Variants in ZNF423 observed in about 807,000 individuals in gnomAD.
ZNF423 encodes Ebf-associated zinc finger protein.
Under a neutral mutation model 95.8 loss-of-function variants are expected in ZNF423, and 12 were observed. The observed-to-expected ratio is 0.13, with a 90% CI of 0.08 to 0.20. The LOEUF (loss-of-function observed/expected upper bound fraction) is 0.20, where lower values mean the gene tolerates loss of function less well. ZNF423 is among the 10% of genes least tolerant of loss of function. The pLI, the probability that ZNF423 is intolerant of heterozygous loss-of-function variation, is 1.00. For synonymous variants in ZNF423, 749 were observed against 711.9 expected (o/e 1.05, Z -0.83); for missense variants, 1,316 against 1,737.1 (o/e 0.76, Z 4.31).
Position 49,679,244 on chromosome 16 carries a change from T to C in ZNF423, c.302-40370A>G, listed in dbSNP as rs1427578341. ...ACCGCTGCAAAGATGCCAGCTGCAG[T>C]TGGGGAGGCATGGCCAGGGCTGCGC... On this transcript the variant is annotated intron_variant, in intron 3 of 7. Coordinates refer to ENST00000563137, the MANE Select transcript of ZNF423 (RefSeq NM_001379286.1). 5.3e-5 allele frequency among the ~76,000 whole-genome samples: 8 copies of C among 152,184 alleles called. No homozygotes were observed. In the East Asian group the frequency reaches 7.7e-4, roughly 15 times the overall value.
Position 49,636,069 on chromosome 16 carries a change from G to C in ZNF423, c.3107C>G (p.Thr1036Arg). Residue 1036 changes from threonine to arginine, a missense_variant, in exon 4 of 8, where the codon ACA (threonine) becomes AGA (arginine). Thr to Arg is a moderately conservative substitution (Grantham distance 71, BLOSUM62 -1). Around this residue, in one of 6 missense-constraint regions of ZNF423, gnomAD observed 620 missense variants for 775.6 expected, o/e 0.80. Transcript: ENST00000563137. The surrounding 1 kb of genome is among the most constrained non-coding windows in gnomAD (Gnocchi z 8.6). ...TGFRCVVCMQTVTSTLELKIH... is the reference protein window; with the variant it reads ...TGFRCVVCMQRVTSTLELKIH... ...CTTGAGCTCAAGCGTGGAAGTGACT[G>C]TCTGCATGCAGACCACACAGCGGAA... is the stretch of plus-strand genomic sequence containing the variant. 2 of 1,614,024 alleles carry C rather than the reference G, an allele frequency of 1.2e-6. No homozygotes were observed. Among genetic ancestry groups the C allele is most frequent in the Non-Finnish European group, 1.7e-6 (2 of 1,180,000 alleles).
Position 49,636,511 on chromosome 16 carries a change from C to A in ZNF423, c.2665G>T (p.Ala889Ser). The A allele has an allele frequency of 6.2e-7, 1 of 1,613,782 alleles. No individual in the cohort carries two copies. Among genetic ancestry groups the A allele is most frequent in the Non-Finnish European group, 8.5e-7 (1 of 1,180,004 alleles). Residue 889 changes from alanine to serine, a missense_variant, in exon 4 of 8, where the codon GCG (alanine) becomes TCG (serine). Transcript: ENST00000563137. This position sits in a 1 kb window ranked among gnomAD's most constrained non-coding sequence, Gnocchi z 8.6. ...TCACAGCCGTACATGGGCTCCGACG[C>A]GTCCACGTCATCCTCGCTGGCCTCA... Reference protein sequence around the residue: ...SHEASEDDVDASEPMYGCDIC... With the variant: ...SHEASEDDVDSSEPMYGCDIC...
intron 7 of ZNF423, among the ~76,000 whole-genome samples, chr16:49,508,248 G>A (rs1052150718): frequency 7.2e-5 from 11 of 152,156 alleles, no homozygotes; most frequent in East Asian, 3.9e-4. Context: ...CCAGCTAGGC[G>A]CATGGCTCAT....
chr16:49,729,220 A>G (rs1384093580), intron 3 of ZNF423, among the ~76,000 whole-genome samples: 1 of 152,250 alleles, frequency 6.6e-6, no homozygotes, highest in South Asian at 2.1e-4. Context: ...AATAAAGAGA[A>G]TAACTTTTCA....
chr16:49,700,787 A>G (rs1246259276), intron 3 of ZNF423, among the ~76,000 whole-genome samples: 3 of 152,146 alleles, frequency 2.0e-5, no homozygotes, highest in Non-Finnish European at 4.4e-5. Flanking sequence ...TGCTGGGCCC[A>G]CGGGACCACA....
intron 5 of ZNF423, among the ~76,000 whole-genome samples, chr16:49,559,177 C>T (rs950775485): frequency 6.6e-6 from 1 of 152,234 alleles, no homozygotes; most frequent in African/African-American, 2.4e-5. Flanking sequence ...ACAGAGAAAG[C>T]GAGTCCCAGA....
Position 49,525,272 on chromosome 16 carries a change from G to A in ZNF423, c.3733+91C>T, listed in dbSNP as rs571315145. 1.2e-5 allele frequency: 18 copies of A among 1,555,094 alleles called. No homozygotes were observed. The South Asian group carries it at 1.6e-4, about 14-fold the overall frequency. ...GTCTATAACAGGCCTGCCAAGGAAA[G>A]AGGAAGAGCACACACTGGGATCCCG... On this transcript the variant is annotated intron_variant, in intron 6 of 7. Transcript: ENST00000563137.
At chr16:49,781,422 T>C (rs1230175046) in intron 2 of ZNF423, among the ~76,000 whole-genome samples, 2 of 152,146 alleles carry the variant, frequency 1.3e-5, no homozygotes, top group African/African-American at 2.4e-5. Flanking sequence ...CAACAGGGAC[T>C]ACAGGGAAAC....
chr16:49,770,820 C>T (rs2034019645), intron 2 of ZNF423, among the ~76,000 whole-genome samples: 1 of 152,242 alleles, frequency 6.6e-6, no homozygotes, highest in Non-Finnish European at 1.5e-5. Context: ...GCCTCTGTTG[C>T]TTCCACCTGG....
At chr16:49,772,812 C>T (rs1472775197) in intron 2 of ZNF423, among the ~76,000 whole-genome samples, 1 of 152,210 alleles carries the variant, frequency 6.6e-6, no homozygotes, top group Non-Finnish European at 1.5e-5. Flanking sequence ...ACCCACATCA[C>T]AGGTTGTATT....
intron 1 of ZNF423, among the ~76,000 whole-genome samples, chr16:49,817,027 A>G (rs2034866645): frequency 6.6e-6 from 1 of 152,220 alleles, no homozygotes; most frequent in South Asian, 2.1e-4. Context: ...GAAGCTGCTA[A>G]TATCTCCCCA....
chr16:49,643,687 AAC>A (rs922738654), intron 3 of ZNF423, among the ~76,000 whole-genome samples: 52 of 152,106 alleles, frequency 3.4e-4, no homozygotes, highest in African/African-American at 1.2e-3. Context: ...GAGTTAAAAA[AAC>A]ACACACACAC....
Position 49,757,087 on chromosome 16 carries a change from C to A in ZNF423, c.101-26116G>T, listed in dbSNP as rs377207291. 1.1e-4 allele frequency among the ~76,000 whole-genome samples: 16 copies of A among 152,322 alleles called. No homozygotes were observed. In the South Asian group the frequency reaches 3.3e-3, roughly 32 times the overall value. ...CTTATAAATTACTTGTCACGATGCACAATGACAGTTATTTCTTTTCCATTA... is the reference window on the plus strand; with the variant it reads ...CTTATAAATTACTTGTCACGATGCAAAATGACAGTTATTTCTTTTCCATTA... On this transcript the variant is annotated intron_variant, in intron 2 of 7. Transcript: ENST00000563137.
At chr16:49,848,206 CCCT>C in intron 1 of ZNF423, among the ~76,000 whole-genome samples, 1 of 151,928 alleles carries the variant, frequency 6.6e-6, no homozygotes, top group East Asian at 1.9e-4. Context: ...AGATCTAAGC[CCCT>C]CCTCAGACCA....
chr16:49,618,041 A>G (rs997286596), intron 5 of ZNF423, among the ~76,000 whole-genome samples: 1 of 152,144 alleles, frequency 6.6e-6, no homozygotes, highest in Non-Finnish European at 1.5e-5. Context: ...TGGCCCTCAG[A>G]TCTCCATGGG....
chr16:49,823,543 G>A (rs1467126796), intron 1 of ZNF423, among the ~76,000 whole-genome samples: 1 of 152,076 alleles, frequency 6.6e-6, no homozygotes, highest in African/African-American at 2.4e-5. Flanking sequence ...TGCTGCCCTT[G>A]GAAGGAGATT....
At chr16:49,549,193 C>T (rs1328419692) in intron 5 of ZNF423, among the ~76,000 whole-genome samples, 1 of 152,080 alleles carries the variant, frequency 6.6e-6, no homozygotes, top group African/African-American at 2.4e-5. Context: ...ATTCCTGGGG[C>T]CGTGGGGCTC....
At chr16:49,722,363 C>T (rs558503379) in intron 3 of ZNF423, among the ~76,000 whole-genome samples, 2 of 152,336 alleles carry the variant, frequency 1.3e-5, no homozygotes, top group Admixed American at 6.5e-5. Flanking sequence ...CAAAGCCCCT[C>T]TTAAGGACAC....
intron 3 of ZNF423, among the ~76,000 whole-genome samples, chr16:49,690,044 C>T (rs2031720154): frequency 6.6e-6 from 1 of 152,184 alleles, no homozygotes. Flanking sequence ...TCCCTGCACC[C>T]CCAGGGGTGT....
Sources: gnomAD v4.1 joint callset for allele counts (sites outside exome capture counted in the v4.1 genomes callset) on GRCh38, gnomAD v4.1.1 for gene constraint, gnomAD v4.1.1 regional missense constraint, Gnocchi (gnomAD v3.1) non-coding constraint, MANE v1.5 for transcripts, NCBI Gene and HGNC (gene_info 2026-07-23, HGNC 2026-07-21) for gene names.